PKHD1: variants seen among roughly 807,000 people sequenced by gnomAD.
PKHD1 encodes PKHD1 ciliary IPT domain containing fibrocystin/polyductin.
Under a neutral mutation model 412.0 loss-of-function variants are expected in PKHD1, and 291 were observed. The ratio of observed to expected loss-of-function variants is 0.71; its 90% CI spans 0.64 to 0.78. The LOEUF is 0.78. PKHD1 is among the 30% of genes least tolerant of loss of function. The pLI is 0.00. For synonymous variants in PKHD1, 1,777 were observed against 1,821.5 expected, an observed-to-expected ratio of 0.98 and a Z score of 0.62; for missense variants, 4,825 against 4,950.7, an observed-to-expected ratio of 0.97 and a Z score of 0.76.
intron 52 of PKHD1, among the ~76,000 whole-genome samples, chr6:51,822,573 T>C (rs896759526): frequency 6.6e-6 from 1 of 152,206 alleles, no homozygotes; most frequent in African/African-American, 2.4e-5. Flanking sequence ...CCCCATTCAA[T>C]ACTCAAGGCT....
At chr6:51,769,613 C>T (rs1176441145) in intron 55 of PKHD1, among the ~76,000 whole-genome samples, 1 of 151,230 alleles carries the variant, frequency 6.6e-6, no homozygotes, top group Non-Finnish European at 1.5e-5. Flanking sequence ...TCTATTTCAC[C>T]AATTTCTGCC....
chr6:51,727,241 T>C (rs1218385978), intron 60 of PKHD1, among the ~76,000 whole-genome samples: 1 of 152,168 alleles, frequency 6.6e-6, no homozygotes, highest in Non-Finnish European at 1.5e-5. Flanking sequence ...GGATAAAATT[T>C]TGAGACAAAC....
At chr6:51,812,048 G>A (rs1764756884) in intron 52 of PKHD1, among the ~76,000 whole-genome samples, 1 of 152,122 alleles carries the variant, frequency 6.6e-6, no homozygotes, top group Non-Finnish European at 1.5e-5. Context: ...TTTCATTCAG[G>A]TACAAAGCAA....
chr6:51,897,146 T>G (rs1199790345), intron 43 of PKHD1, among the ~76,000 whole-genome samples: 1 of 152,032 alleles, frequency 6.6e-6, no homozygotes, highest in Non-Finnish European at 1.5e-5. Flanking sequence ...ACGTTCAGAT[T>G]CAGGAAATAG....
intron 52 of PKHD1, among the ~76,000 whole-genome samples, chr6:51,821,283 G>A (rs10214606): frequency 0.36 from 54,732 of 151,992 alleles, 10,348 homozygotes; most frequent in Middle Eastern, 0.49. Context: ...AAACTTTAAT[G>A]GTGATTTCTT....
chr6:52,048,141 G>A (rs975067547), intron 23 of PKHD1, among the ~76,000 whole-genome samples: 6 of 152,194 alleles, frequency 3.9e-5, no homozygotes, highest in East Asian at 1.9e-4. Flanking sequence ...TGGCCCTGCC[G>A]ACAACTTGAT....
chr6:51,659,567 A>G lies in PKHD1; in HGVS notation c.10559T>C (p.Val3520Ala). 1 of 1,613,756 alleles carries G rather than the reference A, an allele frequency of 6.2e-7. No individual in the cohort carries two copies. The highest frequency in any genetic ancestry group is 1.1e-5 in the South Asian group (1 of 91,082). ...LGESFIPPTL[V>A]QSASLLLNES... ...ATTCAGCAATAAGGAAGCTGACTGA[A>G]CCAGAGTGGGTGGAATAAAACTTTC... Residue 3520 changes from valine to alanine, a missense_variant, in exon 61 of 67, where the codon GTT becomes GCT. Physicochemically the swap from Val to Ala is moderately conservative, Grantham distance 64. Coordinates refer to ENST00000371117, the MANE Select transcript of PKHD1 (RefSeq NM_138694.4).
intron 46 of PKHD1, among the ~76,000 whole-genome samples, chr6:51,872,607 C>T (rs1024260381): frequency 2.0e-5 from 3 of 152,032 alleles, no homozygotes; most frequent in African/African-American, 7.2e-5. Context: ...CAGGGTTTTG[C>T]CATGTTGGCC....
intron 50 of PKHD1, among the ~76,000 whole-genome samples, chr6:51,838,555 G>A (rs1437222696): frequency 2.0e-5 from 3 of 152,240 alleles, no homozygotes; most frequent in African/African-American, 7.2e-5. Context: ...GTGAAGAGAA[G>A]TAGTTTCAGG....
chr6:52,053,199 C>A lies in PKHD1; in HGVS notation c.2017G>T (p.Asp673Tyr), dbSNP rs1185811157. The change falls in exon 21 of 67, where the codon GAT becomes TAT. Residue 673 changes from aspartate (D) to tyrosine (Y), a missense_variant. Coordinates refer to ENST00000371117, the MANE Select transcript of PKHD1 (RefSeq NM_138694.4). ...LWETCVRCFG[D>Y]LQPPPANSPV... Reference sequence around the variant, plus strand: ...GAGTTTGCCGGAGGGGGCTGGAGATCCCCGAAGCAACGCACACAAGTCTCC... The same window carrying A: ...GAGTTTGCCGGAGGGGGCTGGAGATACCCGAAGCAACGCACACAAGTCTCC... 1.9e-6 allele frequency: 3 copies of A among 1,614,164 alleles called. No individual in the cohort carries two copies. Among genetic ancestry groups the A allele is most frequent in the Admixed American group, 3.3e-5 (2 of 60,032 alleles).
At chr6:52,076,451 T>C (rs1289711744) in intron 5 of PKHD1, 118 bp from the exon 6 acceptor site, 3 of 751,570 alleles carry the variant, frequency 4.0e-6, no homozygotes, top group Admixed American at 3.8e-5. Flanking sequence ...TATTTACTCA[T>C]GTCACCCTCA....
In PKHD1 at chr6:51,845,139, C is replaced by G. The variant is rs113848472; in HGVS notation, c.8107+2636G>C. On this transcript the variant is annotated intron_variant, in intron 50 of 66. Transcript: ENST00000371117. ...TGGGCTCTTGCTCGGGTACCAACAA[C>G]AGCAACTACCATTATGGCATTGGGA... Among the ~76,000 whole-genome samples the G allele has an allele frequency of 6.8e-3, 1,032 of 152,314 alleles. 17 individuals are homozygous for G. The highest frequency in any genetic ancestry group is 0.024 in the African/African-American group (986 of 41,556).
At chr6:51,710,840 G>C (rs1780571744) in intron 60 of PKHD1, among the ~76,000 whole-genome samples, 2 of 152,128 alleles carry the variant, frequency 1.3e-5, no homozygotes, top group African/African-American at 4.8e-5. Flanking sequence ...AACTTGCCTA[G>C]AGATACACAG....
intron 52 of PKHD1, among the ~76,000 whole-genome samples, chr6:51,801,986 G>A (rs940306237): frequency 1.3e-5 from 2 of 152,134 alleles, no homozygotes; most frequent in African/African-American, 2.4e-5. Flanking sequence ...ATTACCAACT[G>A]TATCAGATCA....
At position 52,010,410 on chromosome 6, in the gene PKHD1, T is replaced by A; in HGVS notation, c.5650A>T (p.Ile1884Phe). 1 of 1,610,030 alleles carries A rather than the reference T, an allele frequency of 6.2e-7. No individual in the cohort carries two copies. The highest frequency in any genetic ancestry group is 2.2e-5 in the East Asian group (1 of 44,860). ...EVLIYNSSCN[I>F]TMETEAEMEC... is the part of the protein sequence containing the mutation. ...ATCTCTGCCTCAGTTTCCATGGTAA[T>A]GTTACAGGAGCTATTATAGATGAGA... is the stretch of plus-strand genomic sequence containing the variant. Residue 1884 changes from isoleucine to phenylalanine, a missense_variant, in exon 35 of 67, where the codon ATT becomes TTT. Transcript: ENST00000371117.
chr6:51,991,592 AT>A (rs768921498), intron 35 of PKHD1, among the ~76,000 whole-genome samples: 10 of 152,236 alleles, frequency 6.6e-5, no homozygotes, highest in Non-Finnish European at 1.3e-4. Flanking sequence ...AAAATTGATT[AT>A]TTTAAAAGTT....
intron 43 of PKHD1, among the ~76,000 whole-genome samples, chr6:51,888,231 G>C (rs569200286): frequency 6.6e-6 from 1 of 152,170 alleles, no homozygotes; most frequent in East Asian, 1.9e-4. Flanking sequence ...TTTCTTTATA[G>C]GTCTTACTAT....
At chr6:51,628,917 T>C (rs1767605714) in intron 65 of PKHD1, among the ~76,000 whole-genome samples, 1 of 152,156 alleles carries the variant, frequency 6.6e-6, no homozygotes, top group Non-Finnish European at 1.5e-5. Flanking sequence ...GCTGCACACA[T>C]ACAACCATCT....
chr6:51,723,637 G>T (rs184532819), intron 60 of PKHD1, among the ~76,000 whole-genome samples: 1 of 152,272 alleles, frequency 6.6e-6, no homozygotes, highest in Non-Finnish European at 1.5e-5. Flanking sequence ...AAAATTGATG[G>T]TGAAATGTTA....
Sources: allele counts gnomAD v4.1 joint callset (sites outside exome capture counted in the v4.1 genomes callset), GRCh38; gene constraint gnomAD v4.1.1; transcripts MANE v1.5; gene names NCBI Gene and HGNC (gene_info 2026-07-23, HGNC 2026-07-21).